GTF2IRD1: variants seen among roughly 807,000 people sequenced by gnomAD.
GTF2IRD1 encodes the protein general transcription factor II-I repeat domain-containing protein 1.
A neutral mutation model predicts 113.2 loss-of-function variants in GTF2IRD1; 26 were observed. That is an observed-to-expected ratio of 0.23 (90% CI 0.17 to 0.32). The LOEUF (loss-of-function observed/expected upper bound fraction) is 0.32, where lower values mean the gene tolerates loss of function less well. GTF2IRD1 is among the 10% of genes least tolerant of loss of function. The pLI, the probability that GTF2IRD1 is intolerant of heterozygous loss-of-function variation, is 1.00. For synonymous variants in GTF2IRD1, 484 were observed against 529.1 expected, an observed-to-expected ratio of 0.91 and a Z score of 1.17; for missense variants, 864 against 1,280.8, an observed-to-expected ratio of 0.67 and a Z score of 4.97.
chr7:74,513,097 C>CTTGT, intron 3 of GTF2IRD1, 126 bp downstream of exon 3: 1 of 873,444 alleles, frequency 1.1e-6, no homozygotes. Flanking sequence ...ACCTAACAAG[C>CTTGT]TAGGTTGTCT....
chr7:74,528,692 G>A (rs186503153), intron 8 of GTF2IRD1, among the ~76,000 whole-genome samples: 11 of 150,680 alleles, frequency 7.3e-5, no homozygotes, highest in Non-Finnish European at 1.0e-4. Flanking sequence ...GAGGGAGGGA[G>A]GGAAGGAAAG....
intron 17 of GTF2IRD1, among the ~76,000 whole-genome samples, chr7:74,552,874 A>G (rs1562863659): frequency 6.6e-6 from 1 of 151,648 alleles, no homozygotes; most frequent in Non-Finnish European, 1.5e-5. Context: ...CACTCACTCT[A>G]TTGCCCAGGC....
intron 22 of GTF2IRD1, among the ~76,000 whole-genome samples, chr7:74,574,440 G>C (rs1800888615): frequency 6.6e-6 from 1 of 150,852 alleles, no homozygotes; most frequent in South Asian, 2.1e-4. Context: ...CACTACACCG[G>C]GCCTAGATAC....
At chr7:74,528,720 T>A (rs1264270245) in intron 8 of GTF2IRD1, among the ~76,000 whole-genome samples, 3 of 94,958 alleles carry the variant, frequency 3.2e-5, no homozygotes, top group African/African-American at 1.2e-4. Context: ...GATGGATGGA[T>A]GGATGGATGG....
At position 74,555,105 on chromosome 7, in the gene GTF2IRD1, A is replaced by G. The variant is rs587652777; in HGVS notation, c.1917-69A>G. 7.0e-7 allele frequency: 1 copy of G among 1,424,618 alleles called. No individual in the cohort carries two copies. The highest frequency in any genetic ancestry group is 2.3e-5 in the East Asian group (1 of 43,734). The allele number at this position is 1,424,618 out of a possible 1,614,324, so 88.2% of individuals were successfully genotyped here. The stretch of plus-strand genomic sequence containing the variant: ...CAGGGCTGTGTAGACTGAGGCCCAG[A>G]GAGGAGGGCTGAGCAGTCCCAGAGA... On this transcript the variant is annotated intron_variant, in intron 17 of 26. Transcript: ENST00000424337. The surrounding 1 kb of genome is among the most constrained non-coding windows in gnomAD (Gnocchi z 5.3).
At chr7:74,587,904 G>T (rs1286045732) in intron 22 of GTF2IRD1, among the ~76,000 whole-genome samples, 1 of 152,034 alleles carries the variant, frequency 6.6e-6, no homozygotes, top group African/African-American at 2.4e-5. Flanking sequence ...GAGAATGCAC[G>T]GCCCCCACAC....
At chr7:74,494,685 G>C (rs1795555977) in intron 1 of GTF2IRD1, among the ~76,000 whole-genome samples, 1 of 151,298 alleles carries the variant, frequency 6.6e-6, no homozygotes, top group East Asian at 2.0e-4. Context: ...CCAGGAGTTC[G>C]AGACCAGCCT....
chr7:74,498,728 C>CTTCTT (rs35989193), intron 1 of GTF2IRD1, among the ~76,000 whole-genome samples: 174 of 144,348 alleles, frequency 1.2e-3, no homozygotes, highest in African/African-American at 3.3e-3. Context: ...TCCTGTAGTT[C>CTTCTT]TTTTTTTTTT....
In GTF2IRD1 at chr7:74,594,821, G is replaced by A. The variant is rs587704737; in HGVS notation, c.2592-193G>A. 9.6e-4 allele frequency among the ~76,000 whole-genome samples: 145 copies of A among 151,814 alleles called. 1 individual carries two copies. The highest frequency in any genetic ancestry group is 3.2e-3 in the African/African-American group (134 of 41,404). ...ATAAAACTTAGCCGGGCATGGTGGC[G>A]GGCGCCTGTAGTCCCAGCTACTCGG... On this transcript the variant is annotated intron_variant, in intron 24 of 26. Transcript: ENST00000424337.
At chr7:74,470,055 C>T (rs967339448) in intron 1 of GTF2IRD1, among the ~76,000 whole-genome samples, 9 of 151,560 alleles carry the variant, frequency 5.9e-5, no homozygotes, top group Non-Finnish European at 1.2e-4. Flanking sequence ...TGGAGTGCAG[C>T]GGTGCAGTCT....
chr7:74,568,604 T>G (rs1327264477), intron 22 of GTF2IRD1, among the ~76,000 whole-genome samples: 5 of 151,942 alleles, frequency 3.3e-5, no homozygotes, highest in Admixed American at 1.3e-4. Context: ...GCCGAGATTG[T>G]GCCACTGCAC....
In GTF2IRD1 at chr7:74,518,314, G is replaced by A. The variant is rs1554345171; in HGVS notation, c.597G>A (p.Lys199=). Residue 199 remains lysine, a synonymous_variant, in exon 5 of 27, where the codon AAG becomes AAA. Coordinates refer to ENST00000424337, the MANE Select transcript of GTF2IRD1 (RefSeq NM_005685.4). The part of the protein sequence containing the change: ...ILEHSHRIRF[K]LKRPLEDGGR... Reference sequence around the variant, plus strand: ...AACACAGCCACCGCATCCGCTTCAAGCTCAAGAGGTGAGTGAGGTAGCCGG... The same window carrying A: ...AACACAGCCACCGCATCCGCTTCAAACTCAAGAGGTGAGTGAGGTAGCCGG... 6.3e-7 allele frequency: 1 copy of A among 1,590,142 alleles called. No homozygotes were observed. The highest frequency in any genetic ancestry group is 1.1e-5 in the South Asian group (1 of 89,956).
intron 22 of GTF2IRD1, among the ~76,000 whole-genome samples, chr7:74,581,388 T>G (rs1304787748): frequency 6.6e-6 from 1 of 152,216 alleles, no homozygotes; most frequent in Non-Finnish European, 1.5e-5. Context: ...GCGAGCTGAT[T>G]GCAGAGCTGG....
chr7:74,568,097 T>TTTAGAGGTAGGAACAGCAGCTGCATGATC lies in GTF2IRD1; in HGVS notation c.2320+8445_2320+8473dup, dbSNP rs587751267. On this transcript the variant is annotated intron_variant, in intron 22 of 26. Transcript: ENST00000424337. ...CCACCACACCCAGCCAAGAGAGGGT[T>TTTAGAGGTAGGAACAGCAGCTGCATGATC]TTAGAGGTAGGAACAGCAGCTGCAT... Among the ~76,000 whole-genome samples, 599 of 150,898 alleles carry TTTAGAGGTAGGAACAGCAGCTGCATGATC rather than the reference T, an allele frequency of 4.0e-3. 2 individuals are homozygous for TTTAGAGGTAGGAACAGCAGCTGCATGATC. Among genetic ancestry groups the TTTAGAGGTAGGAACAGCAGCTGCATGATC allele is most frequent in the African/African-American group, 0.014 (564 of 41,120 alleles).
intron 2 of GTF2IRD1, among the ~76,000 whole-genome samples, chr7:74,510,840 G>C (rs1796588632): frequency 6.6e-6 from 1 of 151,862 alleles, no homozygotes; most frequent in African/African-American, 2.4e-5. Flanking sequence ...CTTGAGGCCA[G>C]GAGTTTGAGA....
intron 6 of GTF2IRD1, among the ~76,000 whole-genome samples, chr7:74,520,975 C>T (rs1195255205): frequency 1.3e-5 from 2 of 151,534 alleles, no homozygotes; most frequent in African/African-American, 4.9e-5. Context: ...AAAAGGTAAC[C>T]TCCGACATCC....
chr7:74,523,999 G>C, intron 7 of GTF2IRD1, 72 bp from the exon 8 acceptor site: 1 of 1,064,880 alleles, frequency 9.4e-7, no homozygotes, highest in Non-Finnish European at 1.4e-6. Flanking sequence ...AAAGCCCGGT[G>C]GTCATGGCCG....
chr7:74,602,175 A>C (rs1239714305), intron 26 of GTF2IRD1, 190 bp from the exon 27 acceptor site: 4 of 514,220 alleles, frequency 7.8e-6, no homozygotes, highest in Admixed American at 4.1e-5. Context: ...CCGCGGGGCC[A>C]AGGTTGCAGT....
intron 1 of GTF2IRD1, among the ~76,000 whole-genome samples, chr7:74,502,938 G>A (rs982740787): frequency 2.6e-5 from 4 of 152,126 alleles, no homozygotes; most frequent in Non-Finnish European, 4.4e-5. Context: ...AGGCCGAGGC[G>A]GGCGGATCAC....
Sources: gnomAD v4.1 joint callset for allele counts (sites outside exome capture counted in the v4.1 genomes callset) on GRCh38, gnomAD v4.1.1 for gene constraint, Gnocchi (gnomAD v3.1) non-coding constraint, MANE v1.5 for transcripts, NCBI Gene and HGNC (gene_info 2026-07-23, HGNC 2026-07-21) for gene names.